Variants in ERGIC2 observed in about 807,000 individuals in gnomAD.
ERGIC2 encodes the protein endoplasmic reticulum-Golgi intermediate compartment protein 2.
Under a neutral mutation model 52.5 loss-of-function variants are expected in ERGIC2, and 31 were observed. The observed-to-expected ratio is 0.59, with a 90% confidence interval of 0.44 to 0.80. ERGIC2 has a LOEUF of 0.80. ERGIC2 is among the 30% of genes least tolerant of loss of function. The pLI is 0.00. For missense variants in ERGIC2, 395 were observed against 455.2 expected, an observed-to-expected ratio of 0.87 and a Z score of 1.20; for synonymous variants, 129 against 140.6, an observed-to-expected ratio of 0.92 and a Z score of 0.58.
intron 6 of ERGIC2, among the ~76,000 whole-genome samples, chr12:29,358,749 T>C (rs538888103): frequency 6.6e-6 from 1 of 152,128 alleles, no homozygotes; most frequent in African/African-American, 2.4e-5. Context: ...AGAAAGCAAA[T>C]GTGAATCTCA....
At chr12:29,346,002 A>C (rs115558147) in intron 10 of ERGIC2, among the ~76,000 whole-genome samples, 120 of 152,060 alleles carry the variant, frequency 7.9e-4, no homozygotes, top group African/African-American at 2.8e-3. Context: ...ATACAACTTA[A>C]TGTCTAACAA....
chr12:29,366,842 C>G, intron 5 of ERGIC2, 35 bp downstream of exon 5: 1 of 1,342,628 alleles, frequency 7.4e-7, no homozygotes, highest in Non-Finnish European at 1.1e-6. Flanking sequence ...TTCCTCAACC[C>G]GTGTATTTCA....
chr12:29,363,126 A>C lies in ERGIC2; in HGVS notation c.334-1441T>G, dbSNP rs1250437493. Among the ~76,000 whole-genome samples the C allele has an allele frequency of 2.6e-5, 4 of 152,212 alleles. No individual in the cohort carries two copies. The East Asian group carries it at 5.8e-4, about 22-fold the overall frequency. ...GCACATGAGGAAGCAGGAGCTCAAA[A>C]AGTTACAAACTTTCCAAAATCACAG... On this transcript the variant is annotated intron_variant, in intron 5 of 13. Coordinates refer to ENST00000360150, the MANE Select transcript of ERGIC2 (RefSeq NM_016570.3).
Position 29,361,645 on chromosome 12 carries a change from C to T in ERGIC2, c.374G>A (p.Arg125Lys). The change falls in exon 6 of 14, where the codon AGG (arginine) becomes AAG (lysine). Residue 125 changes from arginine (R) to lysine (K), a missense_variant and splice_region_variant. Arg to Lys is a conservative substitution (Grantham distance 26). Coordinates refer to ENST00000360150, the MANE Select transcript of ERGIC2 (RefSeq NM_016570.3). ...CCACAATACTTTGTTCTCTTATTAC[C>T]TCTGCCACTCTTTCTGCTGTGGTGA... Reference protein sequence around the residue: ...DLSPQQKEWQRMLQLIQSRLQ... With the variant: ...DLSPQQKEWQKMLQLIQSRLQ... 6.2e-7 allele frequency: 1 copy of T among 1,604,306 alleles called. No homozygotes were observed. Among genetic ancestry groups the T allele is most frequent in the East Asian group, 2.2e-5 (1 of 44,460 alleles).
At chr12:29,359,493 G>A (rs921626485) in intron 6 of ERGIC2, among the ~76,000 whole-genome samples, 1 of 151,758 alleles carries the variant, frequency 6.6e-6, no homozygotes, top group South Asian at 2.1e-4. Context: ...CTACTATGAT[G>A]GCAAATTTAT....
intron 12 of ERGIC2, among the ~76,000 whole-genome samples, chr12:29,342,144 T>G (rs899393997): frequency 6.6e-6 from 1 of 152,124 alleles, no homozygotes; most frequent in Non-Finnish European, 1.5e-5. Flanking sequence ...CCCAATTAGC[T>G]GGGATTACAG....
chr12:29,380,647 C>G (rs1272008564), intron 1 of ERGIC2: 1 of 152,036 alleles, frequency 6.6e-6, no homozygotes, highest in Non-Finnish European at 1.5e-5. Context: ...TCCTTCCGGG[C>G]AAGGCCAAGA....
intron 11 of ERGIC2, among the ~76,000 whole-genome samples, chr12:29,343,586 T>C (rs975996292): frequency 6.6e-6 from 1 of 152,220 alleles, no homozygotes; most frequent in Non-Finnish European, 1.5e-5. Flanking sequence ...GTATGGCATG[T>C]TCCTCATGCT....
chr12:29,362,366 A>G (rs1940299055), intron 5 of ERGIC2, among the ~76,000 whole-genome samples: 1 of 152,168 alleles, frequency 6.6e-6, no homozygotes, highest in Non-Finnish European at 1.5e-5. Flanking sequence ...GCCTGAGCTC[A>G]GGAGTTCAAG....
At chr12:29,346,271 CTT>C in intron 10 of ERGIC2, among the ~76,000 whole-genome samples, 1 of 151,518 alleles carries the variant, frequency 6.6e-6, no homozygotes, top group Non-Finnish European at 1.5e-5. Context: ...TCACTGCAGC[CTT>C]GACTTCCTGG....
At chr12:29,366,972 T>G in intron 4 of ERGIC2, 25 bp from the exon 5 acceptor site, 1 of 1,502,450 alleles carries the variant, frequency 6.7e-7, no homozygotes. Context: ...GAATTAGAAG[T>G]TTTACATTCT....
rs1254673580 is a variant in ERGIC2, at chr12:29,357,715, C to G, written c.384G>C (p.Gln128His). 1 of 1,584,462 alleles carries G rather than the reference C, an allele frequency of 6.3e-7. No individual in the cohort carries two copies. Among genetic ancestry groups the G allele is most frequent in the Non-Finnish European group, 8.7e-7 (1 of 1,154,134 alleles). The change falls in exon 7 of 14, where the codon CAG (glutamine) becomes CAC (histidine). Residue 128 changes from glutamine to histidine, a missense_variant. By Grantham distance (24) the Gln-to-His change is conservative (BLOSUM62 0). Coordinates refer to ENST00000360150, the MANE Select transcript of ERGIC2 (RefSeq NM_016570.3). The stretch of plus-strand genomic sequence containing the variant: ...CTTCTTGTAGCCTACTCTGAATCAG[C>G]TGCAGCATCCTAAATAAGAAGCAAT... ...PQQKEWQRML[Q>H]LIQSRLQEEH...
chr12:29,361,684 G>C lies in ERGIC2; in HGVS notation c.335C>G (p.Thr112Arg), dbSNP rs1940289001. The C allele has an allele frequency of 2.5e-6, 4 of 1,600,066 alleles. 1 individual carries two copies. Among genetic ancestry groups the C allele is most frequent in the Non-Finnish European group, 3.4e-6 (4 of 1,173,070 alleles). The change falls in exon 6 of 14, where the codon ACA becomes AGA. Residue 112 changes from threonine (T) to arginine (R), a missense_variant and splice_region_variant. Physicochemically the swap from Thr to Arg is moderately conservative, Grantham distance 71. Coordinates refer to ENST00000360150, the MANE Select transcript of ERGIC2 (RefSeq NM_016570.3). ...ASADGLVYEP[T>R]VFDLSPQQKE... Reference sequence around the variant, plus strand: ...CTGCTGTGGTGAAAGATCAAATACTGTCTGAAATGAAAGAAAACATAATCA... The same window carrying C: ...CTGCTGTGGTGAAAGATCAAATACTCTCTGAAATGAAAGAAAACATAATCA...
At position 29,345,385 on chromosome 12, in the gene ERGIC2, T is replaced by C; in HGVS notation, c.825+58A>G. Reference sequence around the variant, plus strand: ...CCACCTTATTTTGTAGCCAGGAAACTTTAAAATGCTTTTTTAAAAAAATCA... The same window carrying C: ...CCACCTTATTTTGTAGCCAGGAAACCTTAAAATGCTTTTTTAAAAAAATCA... On this transcript the variant is annotated intron_variant, in intron 11 of 13. Transcript: ENST00000360150. 3 of 1,003,128 alleles carry C rather than the reference T, an allele frequency of 3.0e-6. No homozygotes were observed. In the Admixed American group the frequency reaches 6.1e-5, roughly 20 times the overall value. The allele number at this position is 1,003,128 out of a possible 1,614,324, so 62.1% of individuals were successfully genotyped here.
At position 29,361,155 on chromosome 12, in the gene ERGIC2, G is replaced by C. The variant is rs532376370; in HGVS notation, c.374+490C>G. On this transcript the variant is annotated intron_variant, in intron 6 of 13. Transcript: ENST00000360150. ...GTGCGCCAGCTACTCAGGAGGCTGA[G>C]GCAGGAGAATCGCTTCAACCTGTGA... is the stretch of plus-strand genomic sequence containing the variant. Among the ~76,000 whole-genome samples the C allele has an allele frequency of 3.9e-5, 6 of 152,262 alleles. No homozygotes were observed. In the South Asian group the frequency reaches 1.2e-3, roughly 32 times the overall value.
At chr12:29,343,017 A>T in intron 12 of ERGIC2, 103 bp downstream of exon 12, 1 of 957,662 alleles carries the variant, frequency 1.0e-6, no homozygotes, top group Non-Finnish European at 1.5e-6. Flanking sequence ...CTATTTAAAC[A>T]CCGAAACATG....
At chr12:29,346,721 C>G (rs979774189) in intron 10 of ERGIC2, among the ~76,000 whole-genome samples, 5 of 152,102 alleles carry the variant, frequency 3.3e-5, no homozygotes, top group African/African-American at 1.2e-4. Context: ...CATTTTTATA[C>G]AGTCATTAGG....
rs574241296 is a variant in ERGIC2, at chr12:29,376,852, T to C, written c.-38+4263A>G. Among the ~76,000 whole-genome samples the C allele has an allele frequency of 3.2e-4, 49 of 152,212 alleles. 1 individual carries two copies. The highest frequency in any genetic ancestry group is 6.8e-4 in the Non-Finnish European group (46 of 68,016). ...CAAAATTTTCTAGTCATGGACAACG[T>C]AGAAAAGAACTTTTAAAGCTAAATT... On this transcript the variant is annotated intron_variant, in intron 1 of 13. Coordinates refer to ENST00000360150, the MANE Select transcript of ERGIC2 (RefSeq NM_016570.3).
chr12:29,351,227 A>G (rs575767844), intron 8 of ERGIC2, among the ~76,000 whole-genome samples: 2 of 152,278 alleles, frequency 1.3e-5, no homozygotes, highest in South Asian at 2.1e-4. Flanking sequence ...AGTTTAAAAT[A>G]CAAAATCAAT....
Sources: allele counts gnomAD v4.1 joint callset (sites outside exome capture counted in the v4.1 genomes callset), GRCh38; gene constraint gnomAD v4.1.1; transcripts MANE v1.5; gene names NCBI Gene and HGNC (gene_info 2026-07-23, HGNC 2026-07-21).